CALCRL: variants seen among roughly 807,000 people sequenced by gnomAD.
CALCRL encodes calcitonin gene-related peptide type 1 receptor.
Under a neutral mutation model 60.4 loss-of-function variants are expected in CALCRL, and 27 were observed. That is an observed-to-expected ratio of 0.45 (90% CI 0.33 to 0.62). CALCRL has a LOEUF of 0.62. Among genes scored for constraint, CALCRL ranks in the 20% least tolerant of loss-of-function variants. The pLI, the probability that CALCRL is intolerant of heterozygous loss-of-function variation, is 0.03. For missense variants in CALCRL, 424 were observed against 540.7 expected (o/e 0.78, Z 2.14); for synonymous variants, 190 against 182.6 (o/e 1.04, Z -0.33).
intron 9 of CALCRL, among the ~76,000 whole-genome samples, chr2:187,362,479 C>T (rs1687095527): frequency 6.6e-6 from 1 of 152,016 alleles, no homozygotes; most frequent in Non-Finnish European, 1.5e-5. Context: ...ACATAAAACA[C>T]ACATGAGACT....
At chr2:187,408,801 A>G (rs1272487913) in intron 1 of CALCRL, among the ~76,000 whole-genome samples, 1 of 152,122 alleles carries the variant, frequency 6.6e-6, no homozygotes, top group East Asian at 1.9e-4. Flanking sequence ...GAGTTAAAAA[A>G]TAGCTACACC....
chr2:187,348,054 TG>T (rs1474624873), intron 14 of CALCRL, among the ~76,000 whole-genome samples: 2 of 151,740 alleles, frequency 1.3e-5, no homozygotes, highest in Non-Finnish European at 3.0e-5. Context: ...AAATATGCTT[TG>T]AAAATAAAAG....
At chr2:187,446,938 A>C (rs952819221) in intron 1 of CALCRL, among the ~76,000 whole-genome samples, 1 of 151,980 alleles carries the variant, frequency 6.6e-6, no homozygotes, top group African/African-American at 2.4e-5. Context: ...CATCTTGGAA[A>C]GTATAATTGC....
At chr2:187,440,305 G>C (rs1025052664) in intron 1 of CALCRL, among the ~76,000 whole-genome samples, 12 of 152,110 alleles carry the variant, frequency 7.9e-5, no homozygotes, top group African/African-American at 2.9e-4. Flanking sequence ...ATGTAGACCA[G>C]AATGTAGGAC....
At chr2:187,420,215 A>G (rs1342477359) in intron 1 of CALCRL, among the ~76,000 whole-genome samples, 1 of 152,194 alleles carries the variant, frequency 6.6e-6, no homozygotes, top group Non-Finnish European at 1.5e-5. Flanking sequence ...TATCTTTAAA[A>G]GAGAGGTTTC....
chr2:187,386,865 G>A (rs993754855), intron 3 of CALCRL, among the ~76,000 whole-genome samples: 4 of 152,136 alleles, frequency 2.6e-5, no homozygotes, highest in African/African-American at 4.8e-5. Flanking sequence ...CACAAGATCC[G>A]ATGGATTTAA....
chr2:187,383,126 T>G (rs1463331420), intron 5 of CALCRL, 47 bp downstream of exon 5: 2 of 1,583,740 alleles, frequency 1.3e-6, no homozygotes, highest in Non-Finnish European at 1.7e-6. Context: ...AGTAGTTTTC[T>G]TTTAAAAATA....
At position 187,363,429 on chromosome 2, in the gene CALCRL, T is replaced by C. The variant is rs1461917935; in HGVS notation, c.574A>G (p.Ile192Val). Residue 192 changes from isoleucine to valine, a missense_variant, in exon 9 of 15, where the codon ATC becomes GTC. Ile to Val is a conservative substitution (Grantham distance 29). Transcript: ENST00000392370. ...FSFVCNSVVT[I>V]IHLTAVANNQ... ...TTGGCCACTGCAGTGAGGTGAATGATTGTTACAACAGAGTTACAAACAAAT... is the reference window on the plus strand; with the variant it reads ...TTGGCCACTGCAGTGAGGTGAATGACTGTTACAACAGAGTTACAAACAAAT... The C allele has an allele frequency of 1.2e-6, 2 of 1,612,718 alleles. No individual in the cohort carries two copies. Among genetic ancestry groups the C allele is most frequent in the Non-Finnish European group, 1.7e-6 (2 of 1,179,256 alleles).
At chr2:187,349,823 G>T (rs938425017) in intron 14 of CALCRL, among the ~76,000 whole-genome samples, 7 of 151,620 alleles carry the variant, frequency 4.6e-5, no homozygotes, top group African/African-American at 1.7e-4. Flanking sequence ...CTAAATAAAA[G>T]AGCCAATTTG....
Position 187,380,558 on chromosome 2 carries a change from T to C in CALCRL, c.317A>G (p.Asp106Gly), listed in dbSNP as rs1687942454. The C allele has an allele frequency of 3.1e-6, 5 of 1,612,752 alleles. No homozygotes were observed. Among genetic ancestry groups the C allele is most frequent in the Admixed American group, 3.3e-5 (2 of 59,952 alleles). The part of the protein sequence containing the change: ...DPSEKVTKIC[D>G]QDGNWFRHPA... Reference sequence around the variant, plus strand: ...ATGTCTAAACCAGTTTCCATCTTGGTCACAGATCTTTGTAACTTTTTCTTT... The same window carrying C: ...ATGTCTAAACCAGTTTCCATCTTGGCCACAGATCTTTGTAACTTTTTCTTT... Residue 106 changes from aspartate to glycine, a missense_variant, in exon 7 of 15, where the codon GAC (aspartate) becomes GGC (glycine). By Grantham distance (94) the Asp-to-Gly change is moderately conservative (BLOSUM62 -1). Coordinates refer to ENST00000392370, the MANE Select transcript of CALCRL (RefSeq NM_005795.6).
At position 187,349,122 on chromosome 2, in the gene CALCRL, A is replaced by C. The variant is rs1686411766; in HGVS notation, c.1171-2723T>G. ...AATTTGGGTTTAATTGTCTGTCCTCAACAAAACTTTTTGCTCATCTTATGG... is the reference window on the plus strand; with the variant it reads ...AATTTGGGTTTAATTGTCTGTCCTCCACAAAACTTTTTGCTCATCTTATGG... On this transcript the variant is annotated intron_variant, in intron 14 of 14. Coordinates refer to ENST00000392370, the MANE Select transcript of CALCRL (RefSeq NM_005795.6). Among the ~76,000 whole-genome samples the C allele has an allele frequency of 3.3e-5, 5 of 151,620 alleles. No homozygotes were observed. The South Asian group carries it at 1.0e-3, about 31-fold the overall frequency.
rs577957034 is a variant in CALCRL at position 187,347,004 on chromosome 2, GTGAA to G, written c.1171-609_1171-606del. ...TGTTGAACAAATAATTATAAATCTG[GTGAA>G]TATTGTGAAAAATAAATTTAGGAAT... is the stretch of plus-strand genomic sequence containing the variant. On this transcript the variant is annotated intron_variant, in intron 14 of 14. Transcript: ENST00000392370. Among the ~76,000 whole-genome samples the G allele has an allele frequency of 2.5e-3, 386 of 151,822 alleles. 2 individuals are homozygous for G. Among genetic ancestry groups the G allele is most frequent in the South Asian group, 0.019 (90 of 4,818 alleles).
chr2:187,400,951 A>C (rs537533350), intron 1 of CALCRL, among the ~76,000 whole-genome samples: 1 of 151,626 alleles, frequency 6.6e-6, no homozygotes, highest in African/African-American at 2.4e-5. Flanking sequence ...TGTGTTCGAA[A>C]ATGATAGTTG....
rs1687153071 is a variant in CALCRL at position 187,363,616 on chromosome 2, A to T, written c.501-114T>A. On this transcript the variant is annotated intron_variant, in intron 8 of 14. Coordinates refer to ENST00000392370, the MANE Select transcript of CALCRL (RefSeq NM_005795.6). ...CAGCTGATCCACTTTTGAAACAATT[A>T]TTTTTTCTCCCTAAGATCCACTCAT... 21 of 1,121,834 alleles carry T rather than the reference A, an allele frequency of 1.9e-5. 1 individual carries two copies. In the South Asian group the frequency reaches 3.3e-4, roughly 18 times the overall value. 69.5% of individuals were successfully genotyped at this position (1,121,834 alleles called of 1,614,324 possible).
intron 1 of CALCRL, among the ~76,000 whole-genome samples, chr2:187,395,324 C>T (rs1428164639): frequency 6.6e-6 from 1 of 152,082 alleles, no homozygotes; most frequent in African/African-American, 2.4e-5. Context: ...CCAGTTTTCT[C>T]ATTACATGTC....
chr2:187,434,999 TG>T (rs1690570904), intron 1 of CALCRL, among the ~76,000 whole-genome samples: 1 of 152,222 alleles, frequency 6.6e-6, no homozygotes, highest in African/African-American at 2.4e-5. Flanking sequence ...GGTTTACTTC[TG>T]AGAATGTCCA....
intron 1 of CALCRL, among the ~76,000 whole-genome samples, chr2:187,395,235 C>T (rs779790126): frequency 5.9e-5 from 9 of 152,040 alleles, no homozygotes; most frequent in East Asian, 1.9e-4. Flanking sequence ...ATCATACTGA[C>T]TCGGACAATG....
rs369839081 is a variant in CALCRL at position 187,363,493 on chromosome 2, A to T, written c.510T>A (p.Ser170Arg). 5 of 1,595,456 alleles carry T rather than the reference A, an allele frequency of 3.1e-6. No homozygotes were observed. Among genetic ancestry groups the T allele is most frequent in the Non-Finnish European group, 4.3e-6 (5 of 1,172,100 alleles). Residue 170 changes from serine to arginine, a missense_variant, in exon 9 of 15, where the codon AGT (serine) becomes AGA (arginine). Ser to Arg is a moderately radical substitution (Grantham distance 110). Coordinates refer to ENST00000392370, the MANE Select transcript of CALCRL (RefSeq NM_005795.6). ...TTTTGTGTAAGGTAATCCTTTGGCA[A>T]CTTAGGCTCCTAAAAAGCAAGAAAA... ...LGIFFYFKSLSCQRITLHKNL... is the reference protein window; with the variant it reads ...LGIFFYFKSLRCQRITLHKNL...
chr2:187,390,376 A>T (rs1213755453), intron 1 of CALCRL, among the ~76,000 whole-genome samples: 1 of 152,176 alleles, frequency 6.6e-6, no homozygotes, highest in Non-Finnish European at 1.5e-5. Flanking sequence ...TATGTTTTAC[A>T]AAATAATTTT....
Sources: gnomAD v4.1 joint callset for allele counts (sites outside exome capture counted in the v4.1 genomes callset) on GRCh38, gnomAD v4.1.1 for gene constraint, MANE v1.5 for transcripts, NCBI Gene and HGNC (gene_info 2026-07-23, HGNC 2026-07-21) for gene names.